NSUN7: variants seen among roughly 807,000 people sequenced by gnomAD.
NSUN7 encodes protein NSUN7.
NSUN7 carries 39 observed loss-of-function variants against 58.5 expected under a neutral mutation model. The ratio of observed to expected loss-of-function variants is 0.67; its 90% CI spans 0.52 to 0.87. The LOEUF (loss-of-function observed/expected upper bound fraction) is 0.87. Among genes scored for constraint, NSUN7 ranks in the 40% least tolerant of loss-of-function variants. The probability of loss-of-function intolerance (pLI) is 0.00; values close to 1 mark genes in which losing one functional copy is unlikely to be tolerated. For synonymous variants in NSUN7, 278 were observed against 303.7 expected, an observed-to-expected ratio of 0.92 and a Z score of 0.88; for missense variants, 765 against 844.1, an observed-to-expected ratio of 0.91 and a Z score of 1.16.
intron 4 of NSUN7, among the ~76,000 whole-genome samples, chr4:40,772,345 A>G (rs897067947): frequency 5.3e-5 from 8 of 152,234 alleles, no homozygotes; most frequent in African/African-American, 1.9e-4. Flanking sequence ...CTCACAATGT[A>G]TAATATAGAA....
At position 40,787,003 on chromosome 4, in the gene NSUN7, G is replaced by A. The variant is rs188190317; in HGVS notation, c.1037-3599G>A. 6.1e-3 allele frequency among the ~76,000 whole-genome samples: 920 copies of A among 150,972 alleles called. 3 individuals are homozygous for A. The highest frequency in any genetic ancestry group is 9.7e-3 in the Non-Finnish European group (658 of 67,842). Reference sequence around the variant, plus strand: ...ACCAGAACACAGTTGTGGGAATTTGGCCTGAAGTTAGTGAAATAAAACTTT... The same window carrying A: ...ACCAGAACACAGTTGTGGGAATTTGACCTGAAGTTAGTGAAATAAAACTTT... On this transcript the variant is annotated intron_variant, in intron 7 of 11. Coordinates refer to ENST00000381782, the MANE Select transcript of NSUN7 (RefSeq NM_024677.6).
At chr4:40,756,264 G>A (rs1283730713) in intron 2 of NSUN7, among the ~76,000 whole-genome samples, 4 of 152,204 alleles carry the variant, frequency 2.6e-5, no homozygotes, top group Non-Finnish European at 5.9e-5. Context: ...TCACCTGTCT[G>A]ATAAACCCAA....
At chr4:40,760,245 G>A (rs900540423) in intron 2 of NSUN7, among the ~76,000 whole-genome samples, 189 bp from the exon 3 acceptor site, 4 of 152,066 alleles carry the variant, frequency 2.6e-5, no homozygotes, top group African/African-American at 9.7e-5. Context: ...AGGTCATAAA[G>A]GTCCAGCATT....
At chr4:40,807,244 A>C in intron 11 of NSUN7, 60 bp downstream of exon 11, 202 of 1,456,544 alleles carry the variant, frequency 1.4e-4, no homozygotes, top group Middle Eastern at 1.8e-4. Context: ...ACAAAGCCTC[A>C]TAAGAGGAAG....
intron 10 of NSUN7, among the ~76,000 whole-genome samples, chr4:40,800,057 C>A (rs1242637054): frequency 6.6e-6 from 1 of 152,266 alleles, no homozygotes; most frequent in Non-Finnish European, 1.5e-5. Flanking sequence ...ATAGAATGTG[C>A]ATATTTTAAG....
At chr4:40,750,507 T>A in intron 1 of NSUN7, 96 bp from the exon 2 acceptor site, 3 of 517,932 alleles carry the variant, frequency 5.8e-6, no homozygotes, top group Non-Finnish European at 1.0e-5. Flanking sequence ...GGACGGGAAA[T>A]GCTCCCTCTT....
intron 7 of NSUN7, among the ~76,000 whole-genome samples, chr4:40,779,419 C>T (rs1200051512): frequency 6.6e-6 from 1 of 152,080 alleles, no homozygotes; most frequent in Non-Finnish European, 1.5e-5. Context: ...CTGGCTAACA[C>T]GGTGAAACAG....
chr4:40,796,732 C>G (rs1239183842), intron 9 of NSUN7, among the ~76,000 whole-genome samples: 1 of 152,110 alleles, frequency 6.6e-6, no homozygotes, highest in African/African-American at 2.4e-5. Context: ...CCAGGTCATT[C>G]CTCATCTCCT....
rs1327165282 is a variant in NSUN7 at position 40,809,498 on chromosome 4, T to A, written c.*559T>A. 1 of 152,150 alleles carries A rather than the reference T, an allele frequency of 6.6e-6. No individual in the cohort carries two copies. The highest frequency in any genetic ancestry group is 1.5e-5 in the Non-Finnish European group (1 of 68,026). 9.4% of individuals were successfully genotyped at this position (152,150 alleles called of 1,614,324 possible). A position where few individuals can be genotyped will look rare whatever the true frequency, so the allele number is the denominator to read the frequency against. ...AGTTTAAGTAGGAAGCGCAGGAAGT[T>A]CCCAAGTGCCAGGTGTGTGTAGCTC... On this transcript the variant is annotated 3_prime_UTR_variant, in exon 12 of 12. Transcript: ENST00000381782.
chr4:40,760,732 A>G (rs974803917), intron 3 of NSUN7, among the ~76,000 whole-genome samples: 4 of 152,086 alleles, frequency 2.6e-5, no homozygotes, highest in Admixed American at 1.3e-4. Context: ...GTGGTGGCAC[A>G]TGCCTGTAAT....
chr4:40,789,459 GATA>G (rs1385510208), intron 7 of NSUN7, among the ~76,000 whole-genome samples: 2 of 151,548 alleles, frequency 1.3e-5, no homozygotes, highest in Non-Finnish European at 2.9e-5. Context: ...TTAGATATTT[GATA>G]ATAATAAGGA....
At chr4:40,808,098 G>C (rs1295718475) in intron 11 of NSUN7, among the ~76,000 whole-genome samples, 6 of 116,282 alleles carry the variant, frequency 5.2e-5, no homozygotes, top group Admixed American at 1.0e-4. Flanking sequence ...TTCATAAATG[G>C]GGAAGTTTAA....
At position 40,774,873 on chromosome 4, in the gene NSUN7, G is replaced by A. The variant is rs778127982; in HGVS notation, c.748G>A (p.Val250Ile). 10 of 1,417,670 alleles carry A rather than the reference G, an allele frequency of 7.1e-6. No homozygotes were observed. In the Admixed American group the frequency reaches 1.3e-4, roughly 19 times the overall value. 87.8% of individuals were successfully genotyped at this position (1,417,670 alleles called of 1,614,324 possible). ...TGCTGTGGATCAACATTGCTATGATGTCTTAATTTTTCCATCTCATCTTAA... is the reference window on the plus strand; with the variant it reads ...TGCTGTGGATCAACATTGCTATGATATCTTAATTTTTCCATCTCATCTTAA... ...VFAVDQHCYDVLIFPSHLKND... is the reference protein window; with the variant it reads ...VFAVDQHCYDILIFPSHLKND... The change falls in exon 6 of 12, where the codon GTC (valine) becomes ATC (isoleucine). Residue 250 changes from valine to isoleucine, a missense_variant. Physicochemically the swap from Val to Ile is conservative, Grantham distance 29. Coordinates refer to ENST00000381782, the MANE Select transcript of NSUN7 (RefSeq NM_024677.6).
Position 40,809,095 on chromosome 4 carries a change from G to C in NSUN7, c.*156G>C. Reference sequence around the variant, plus strand: ...TATTACTTTCAGAGAATTCAGACAAGTGAGAAACAATAATGTAGGAGTCAG... The same window carrying C: ...TATTACTTTCAGAGAATTCAGACAACTGAGAAACAATAATGTAGGAGTCAG... On this transcript the variant is annotated 3_prime_UTR_variant, in exon 12 of 12. Transcript: ENST00000381782. The C allele has an allele frequency of 1.3e-6, 1 of 794,564 alleles. No homozygotes were observed. The highest frequency in any genetic ancestry group is 1.9e-6 in the Non-Finnish European group (1 of 527,032). 49.2% of individuals were successfully genotyped at this position (794,564 alleles called of 1,614,324 possible).
intron 2 of NSUN7, among the ~76,000 whole-genome samples, chr4:40,756,248 C>G (rs1189900107): frequency 1.3e-5 from 2 of 152,194 alleles, no homozygotes; most frequent in Admixed American, 1.3e-4. Context: ...GTTCCTTCTT[C>G]CAATTTCACC....
chr4:40,757,804 A>G (rs1035418608), intron 2 of NSUN7, among the ~76,000 whole-genome samples: 9 of 151,390 alleles, frequency 5.9e-5, no homozygotes, highest in African/African-American at 2.2e-4. Flanking sequence ...CCTAAAGGTG[A>G]TACTGGTTTT....
At chr4:40,754,543 A>G (rs1741041491) in intron 2 of NSUN7, among the ~76,000 whole-genome samples, 1 of 152,224 alleles carries the variant, frequency 6.6e-6, no homozygotes, top group Non-Finnish European at 1.5e-5. Flanking sequence ...CACATGTGAT[A>G]TTTTGTAAAC....
At chr4:40,753,429 A>T (rs1740937296) in intron 2 of NSUN7, among the ~76,000 whole-genome samples, 1 of 151,968 alleles carries the variant, frequency 6.6e-6, no homozygotes, top group Non-Finnish European at 1.5e-5. Flanking sequence ...ACCTGCCACC[A>T]CGCCTGGCTA....
At chr4:40,765,019 A>AT (rs1437256500) in intron 4 of NSUN7, among the ~76,000 whole-genome samples, 1 of 147,712 alleles carries the variant, frequency 6.8e-6, no homozygotes, top group African/African-American at 2.5e-5. Flanking sequence ...ATTTTCTCCC[A>AT]TTTTGTAGGT....
Sources: allele counts gnomAD v4.1 joint callset (sites outside exome capture counted in the v4.1 genomes callset), GRCh38; gene constraint gnomAD v4.1.1; transcripts MANE v1.5; gene names NCBI Gene and HGNC (gene_info 2026-07-23, HGNC 2026-07-21).